CNTN4: variants seen among roughly 807,000 people sequenced by gnomAD.
CNTN4 encodes contactin 4, also known as contactin-4.
Under a neutral mutation model 122.5 loss-of-function variants are expected in CNTN4, and 77 were observed. The observed-to-expected ratio is 0.63, with a 90% CI of 0.52 to 0.76. The LOEUF (loss-of-function observed/expected upper bound fraction) is 0.76, where lower values mean the gene tolerates loss of function less well. Ranked by LOEUF, CNTN4 falls within the 30% of genes least tolerant of loss-of-function variation. CNTN4 has a pLI of 0.00. For missense variants in CNTN4, 1,256 were observed against 1,259.1 expected (o/e 1.00, Z 0.04); for synonymous variants, 512 against 447.0 (o/e 1.15, Z -1.83).
At chr3:2,481,699 G>A (rs557659459) in intron 3 of CNTN4, among the ~76,000 whole-genome samples, 6 of 151,958 alleles carry the variant, frequency 3.9e-5, no homozygotes, top group African/African-American at 1.5e-4. Context: ...TATGTGTTGT[G>A]GGGGGGACCT....
chr3:2,830,043 G>C (rs6776096), intron 7 of CNTN4, among the ~76,000 whole-genome samples: 2,411 of 152,158 alleles, frequency 0.016, 34 homozygotes, highest in African/African-American at 0.037. Flanking sequence ...ATAATAATTT[G>C]GCTAAAAAAT....
intron 13 of CNTN4, among the ~76,000 whole-genome samples, chr3:2,967,660 T>C (rs962299690): frequency 3.9e-5 from 6 of 152,166 alleles, no homozygotes; most frequent in African/African-American, 1.4e-4. Flanking sequence ...GTCTCAGTTA[T>C]AATTTTGCAA....
chr3:3,055,933 G>A (rs1308262761), intron 24 of CNTN4, among the ~76,000 whole-genome samples, 187 bp from the exon 25 acceptor site: 1 of 152,170 alleles, frequency 6.6e-6, no homozygotes, highest in East Asian at 1.9e-4. Flanking sequence ...GTACAGGGCT[G>A]TCCTATACCC....
intron 14 of CNTN4, among the ~76,000 whole-genome samples, chr3:3,004,877 C>T (rs140917875): frequency 1.2e-4 from 18 of 152,320 alleles, no homozygotes; most frequent in African/African-American, 4.3e-4. Context: ...ACCTGTAGCT[C>T]TTCAGGGGTC....
In CNTN4 at chr3:2,574,020, C is replaced by T. The variant is rs555443207; in HGVS notation, c.55+2462C>T. 5.3e-5 allele frequency among the ~76,000 whole-genome samples: 8 copies of T among 152,162 alleles called. 1 individual carries two copies. Among genetic ancestry groups the T allele is most frequent in the African/African-American group, 1.9e-4 (8 of 41,498 alleles). On this transcript the variant is annotated intron_variant, in intron 4 of 24. Coordinates refer to ENST00000418658, the MANE Select transcript of CNTN4 (RefSeq NM_175607.3). ...TAACCTGAGGTCAGGAGTTAGAGAC[C>T]AGCCTGACCAACATGAAGAAGCCCC...
chr3:2,926,614 A>C (rs2094475664), intron 13 of CNTN4, among the ~76,000 whole-genome samples: 1 of 152,146 alleles, frequency 6.6e-6, no homozygotes, highest in East Asian at 1.9e-4. Flanking sequence ...ATTAATGCTA[A>C]AGGTCAGGTA....
intron 3 of CNTN4, among the ~76,000 whole-genome samples, chr3:2,510,498 G>C (rs1077813): frequency 1.3e-5 from 2 of 152,008 alleles, no homozygotes; most frequent in Non-Finnish European, 2.9e-5. Flanking sequence ...GCTGCTTTGC[G>C]TGTGGTGGAC....
At chr3:2,540,080 TG>T (rs1559209498) in intron 3 of CNTN4, among the ~76,000 whole-genome samples, 2 of 151,936 alleles carry the variant, frequency 1.3e-5, no homozygotes, top group African/African-American at 2.4e-5. Flanking sequence ...TGTGTGTGTG[TG>T]TGTGTGTGTG....
intron 3 of CNTN4, among the ~76,000 whole-genome samples, chr3:2,434,941 C>T (rs569259931): frequency 6.6e-6 from 1 of 152,146 alleles, no homozygotes; most frequent in African/African-American, 2.4e-5. Context: ...TTAAGTGAAG[C>T]TCTCTTAAAC....
At chr3:2,277,759 T>C (rs897515494) in intron 2 of CNTN4, among the ~76,000 whole-genome samples, 2 of 152,180 alleles carry the variant, frequency 1.3e-5, no homozygotes, top group African/African-American at 2.4e-5. Context: ...TTTCCCTCCA[T>C]TGTAGGTGAG....
intron 13 of CNTN4, among the ~76,000 whole-genome samples, chr3:2,948,690 G>T (rs1033346831): frequency 1.3e-5 from 2 of 152,152 alleles, no homozygotes; most frequent in Non-Finnish European, 1.5e-5. Flanking sequence ...GCTATTGATA[G>T]ACTTTGTCTT....
At chr3:2,204,747 C>A (rs912508353) in intron 2 of CNTN4, among the ~76,000 whole-genome samples, 5 of 151,802 alleles carry the variant, frequency 3.3e-5, no homozygotes, top group Non-Finnish European at 7.4e-5. Context: ...GATGCAAGGC[C>A]CCCCCATGGG....
intron 12 of CNTN4, among the ~76,000 whole-genome samples, chr3:2,909,588 G>A (rs1205187268): frequency 6.6e-6 from 1 of 152,092 alleles, no homozygotes; most frequent in African/African-American, 2.4e-5. Context: ...AACTAATTCA[G>A]TCTCTGATCC....
intron 3 of CNTN4, among the ~76,000 whole-genome samples, chr3:2,545,961 A>G (rs1055765442): frequency 1.1e-4 from 17 of 152,252 alleles, no homozygotes; most frequent in African/African-American, 2.6e-4. Flanking sequence ...CAAAACCACA[A>G]TGAGATACCA....
At chr3:2,154,693 G>A (rs1356951046) in intron 2 of CNTN4, among the ~76,000 whole-genome samples, 2 of 152,194 alleles carry the variant, frequency 1.3e-5, no homozygotes, top group African/African-American at 4.8e-5. Context: ...TTTGCCAAGT[G>A]TGCTTTCAGT....
intron 3 of CNTN4, among the ~76,000 whole-genome samples, chr3:2,502,697 A>G (rs973769016): frequency 1.3e-5 from 2 of 152,056 alleles, no homozygotes; most frequent in African/African-American, 4.8e-5. Context: ...AGTCCACCAT[A>G]TTGTTGGAAC....
intron 9 of CNTN4, 102 bp from the exon 10 acceptor site, chr3:2,886,938 A>G (rs2093985909): frequency 1.0e-5 from 10 of 955,012 alleles, no homozygotes; most frequent in Non-Finnish European, 1.6e-5. Flanking sequence ...TTTGCAAAAC[A>G]CCCAACCTTA....
At chr3:2,202,462 G>C (rs1342351927) in intron 2 of CNTN4, among the ~76,000 whole-genome samples, 1 of 152,070 alleles carries the variant, frequency 6.6e-6, no homozygotes, top group Non-Finnish European at 1.5e-5. Context: ...TGTTAAAATA[G>C]GATCAATTTG....
At chr3:2,551,714 G>A (rs2078514433) in intron 3 of CNTN4, among the ~76,000 whole-genome samples, 1 of 152,128 alleles carries the variant, frequency 6.6e-6, no homozygotes, top group African/African-American at 2.4e-5. Flanking sequence ...TAATGGTGAT[G>A]TACAGAAACA....
Sources: gnomAD v4.1 joint callset for allele counts (sites outside exome capture counted in the v4.1 genomes callset) on GRCh38, gnomAD v4.1.1 for gene constraint, MANE v1.5 for transcripts, NCBI Gene and HGNC (gene_info 2026-07-23, HGNC 2026-07-21) for gene names.